Variants in SLC1A1 observed in about 807,000 individuals in gnomAD.
The protein encoded by SLC1A1 is excitatory amino acid transporter 3.
SLC1A1 carries 43 observed loss-of-function variants against 53.3 expected under a neutral mutation model. The ratio of observed to expected loss-of-function variants is 0.81; its 90% confidence interval spans 0.63 to 1.04. The LOEUF (loss-of-function observed/expected upper bound fraction) is 1.04, where lower values mean the gene tolerates loss of function less well. Ranked by LOEUF, SLC1A1 falls within the 50% of genes least tolerant of loss-of-function variation. The pLI is 0.00. For missense variants in SLC1A1, 748 were observed against 664.9 expected (o/e 1.12, Z -1.37); for synonymous variants, 307 against 243.2 (o/e 1.26, Z -2.44).
chr9:4,555,531 T>A (rs943501947), intron 2 of SLC1A1, among the ~76,000 whole-genome samples: 2 of 152,228 alleles, frequency 1.3e-5, no homozygotes, highest in African/African-American at 4.8e-5. Context: ...ACACCCTTGC[T>A]CATCAGAGCC....
intron 1 of SLC1A1, among the ~76,000 whole-genome samples, chr9:4,507,065 A>G (rs1820831894): frequency 6.6e-6 from 1 of 152,050 alleles, no homozygotes. Context: ...CCCCCTCTCT[A>G]TTAAAAATAC....
At position 4,583,177 on chromosome 9, in the gene SLC1A1, G is replaced by C; in HGVS notation, c.1328+5G>C. 1.2e-6 allele frequency: 2 copies of C among 1,614,208 alleles called. No individual in the cohort carries two copies. The highest frequency in any genetic ancestry group is 1.7e-6 in the Non-Finnish European group (2 of 1,180,036). On this transcript the variant is annotated splice_donor_5th_base_variant and intron_variant, in intron 11 of 11. Transcript: ENST00000262352. This position sits in a 1 kb window ranked among gnomAD's most constrained non-coding sequence, Gnocchi z 4.6. Reference sequence around the variant, plus strand: ...CATTGCTGTCGACTGGCTCCTGTGAGTTGGAATAAATGCACTGCCTTAGCT... The same window carrying C: ...CATTGCTGTCGACTGGCTCCTGTGACTTGGAATAAATGCACTGCCTTAGCT...
At chr9:4,531,598 C>T (rs1391816770) in intron 1 of SLC1A1, among the ~76,000 whole-genome samples, 1 of 152,200 alleles carries the variant, frequency 6.6e-6, no homozygotes, top group Non-Finnish European at 1.5e-5. Flanking sequence ...CTCAAGGAGG[C>T]CTGCCTGCCT....
At chr9:4,514,461 T>C (rs542586908) in intron 1 of SLC1A1, among the ~76,000 whole-genome samples, 23 of 152,220 alleles carry the variant, frequency 1.5e-4, no homozygotes, top group Non-Finnish European at 3.1e-4. Flanking sequence ...TCCCTGGTTA[T>C]CTGGCTTGGG....
At position 4,582,903 on chromosome 9, in the gene SLC1A1, C is replaced by T. The variant is rs1184570874; in HGVS notation, c.1194-135C>T. The T allele has an allele frequency of 2.6e-6, 3 of 1,161,782 alleles. No homozygotes were observed. The East Asian group carries it at 7.0e-5, about 27-fold the overall frequency. 72.0% of individuals were successfully genotyped at this position (1,161,782 alleles called of 1,614,324 possible). On this transcript the variant is annotated intron_variant, in intron 10 of 11. Coordinates refer to ENST00000262352, the MANE Select transcript of SLC1A1 (RefSeq NM_004170.6). ...GAGGCAGAGCTGGGGCTCAGCAAGT[C>T]ACAGATTCTAACTACCCAATTTAGG...
intron 1 of SLC1A1, among the ~76,000 whole-genome samples, chr9:4,540,872 T>C (rs543729542): frequency 2.5e-4 from 38 of 152,354 alleles, no homozygotes; most frequent in African/African-American, 8.7e-4. Context: ...TTAGAGGCAT[T>C]AGAAGGGACT....
chr9:4,490,800 G>T (rs768623062), intron 1 of SLC1A1, 30 bp downstream of exon 1: 47 of 1,554,520 alleles, frequency 3.0e-5, no homozygotes, highest in Non-Finnish European at 4.2e-5. Flanking sequence ...GGCGATGCGC[G>T]CACCCTCACG....
rs1820194400 is a variant in SLC1A1 at position 4,490,604 on chromosome 9, C to G, written c.-76C>G. 1 of 1,228,304 alleles carries G rather than the reference C, an allele frequency of 8.1e-7. No homozygotes were observed. The allele number at this position is 1,228,304 out of a possible 1,614,324, so 76.1% of individuals were successfully genotyped here. A position where few individuals can be genotyped will look rare whatever the true frequency, so the allele number is the denominator to read the frequency against. On this transcript the variant is annotated 5_prime_UTR_variant, in exon 1 of 12. Coordinates refer to ENST00000262352, the MANE Select transcript of SLC1A1 (RefSeq NM_004170.6). ...GTGCACCCGCATCTCGCCGCGCCGCCGAGCAGCCAGCAGTCCCCGGGTCGC... is the reference window on the plus strand; with the variant it reads ...GTGCACCCGCATCTCGCCGCGCCGCGGAGCAGCCAGCAGTCCCCGGGTCGC...
At chr9:4,494,357 A>T (rs1820339327) in intron 1 of SLC1A1, among the ~76,000 whole-genome samples, 1 of 152,186 alleles carries the variant, frequency 6.6e-6, no homozygotes, top group Non-Finnish European at 1.5e-5. Context: ...TGGCTGGCAT[A>T]TATTCAGCAC....
At chr9:4,508,278 A>G (rs965667381) in intron 1 of SLC1A1, among the ~76,000 whole-genome samples, 1 of 152,228 alleles carries the variant, frequency 6.6e-6, no homozygotes, top group African/African-American at 2.4e-5. Flanking sequence ...TGGAATCCAC[A>G]AGTCATAGAT....
At chr9:4,511,566 T>TACACACACACACACACACACAC (rs113277990) in intron 1 of SLC1A1, among the ~76,000 whole-genome samples, 4 of 146,336 alleles carry the variant, frequency 2.7e-5, no homozygotes, top group African/African-American at 1.0e-4. Context: ...TTAAGAATTC[T>TACACACACACACACACACACAC]ACACACACAC....
At chr9:4,576,216 T>A in intron 9 of SLC1A1, 93 bp downstream of exon 9, 1 of 1,274,632 alleles carries the variant, frequency 7.8e-7, no homozygotes, top group South Asian at 1.2e-5. Context: ...CTTGCGGTTT[T>A]TGTAGCTGTC....
intron 6 of SLC1A1, among the ~76,000 whole-genome samples, chr9:4,571,474 G>A (rs59067788): frequency 0.049 from 7,440 of 152,074 alleles, 584 homozygotes; most frequent in African/African-American, 0.17. Context: ...TCAGGAGTTC[G>A]AGACCACCCT....
At chr9:4,508,759 G>T (rs1303211028) in intron 1 of SLC1A1, among the ~76,000 whole-genome samples, 1 of 152,164 alleles carries the variant, frequency 6.6e-6, no homozygotes, top group Non-Finnish European at 1.5e-5. Flanking sequence ...ATGAGCAAAG[G>T]TTAGAAAGTG....
At chr9:4,502,608 C>G (rs1820674956) in intron 1 of SLC1A1, among the ~76,000 whole-genome samples, 2 of 151,530 alleles carry the variant, frequency 1.3e-5, no homozygotes, top group Admixed American at 1.3e-4. Flanking sequence ...GATGAGGAAA[C>G]TGAAATTTAC....
Position 4,576,603 on chromosome 9 carries a change from G to A in SLC1A1, c.1033G>A (p.Glu345Lys). 1 of 1,614,174 alleles carries A rather than the reference G, an allele frequency of 6.2e-7. No homozygotes were observed. The highest frequency in any genetic ancestry group is 8.5e-7 in the Non-Finnish European group (1 of 1,180,032). ...ACTGCCTGTCACCTTCCGCTGTGCT[G>A]AAGAAAATAACCAGGTGGACAAGAG... ...ATLPVTFRCA[E>K]ENNQVDKRIT... The change falls in exon 10 of 12, where the codon GAA becomes AAA. Residue 345 changes from glutamate to lysine, a missense_variant. Transcript: ENST00000262352.
At chr9:4,534,924 A>T (rs558140365) in intron 1 of SLC1A1, among the ~76,000 whole-genome samples, 5 of 152,340 alleles carry the variant, frequency 3.3e-5, no homozygotes, top group African/African-American at 1.2e-4. Context: ...AATAAACATA[A>T]TCCAGCATAT....
chr9:4,493,340 G>A (rs933418962), intron 1 of SLC1A1, among the ~76,000 whole-genome samples: 1 of 152,166 alleles, frequency 6.6e-6, no homozygotes, highest in Non-Finnish European at 1.5e-5. Context: ...ATACTTGTTT[G>A]TGTAGTCTGT....
At chr9:4,571,632 C>T (rs1820062071) in intron 6 of SLC1A1, among the ~76,000 whole-genome samples, 1 of 151,944 alleles carries the variant, frequency 6.6e-6, no homozygotes, top group Admixed American at 6.6e-5. Flanking sequence ...AACTGAGATA[C>T]CACCACTGCA....
Sources: allele counts gnomAD v4.1 joint callset (sites outside exome capture counted in the v4.1 genomes callset), GRCh38; gene constraint gnomAD v4.1.1; non-coding constraint Gnocchi (gnomAD v3.1); transcripts MANE v1.5; gene names NCBI Gene and HGNC (gene_info 2026-07-23, HGNC 2026-07-21).